MEIOSIN: variants seen among roughly 807,000 people sequenced by gnomAD.
MEIOSIN encodes meiosis initiator protein.
Under a neutral mutation model 23.4 loss-of-function variants are expected in MEIOSIN, and 18 were observed. The ratio of observed to expected loss-of-function variants is 0.77; its 90% CI spans 0.53 to 1.14. MEIOSIN has a LOEUF of 1.14. Ranked by LOEUF, MEIOSIN falls within the 50% of genes most tolerant of loss-of-function variation. The pLI is 0.00. For missense variants in MEIOSIN, 428 were observed against 242.9 expected (o/e 1.76, Z -5.07); for synonymous variants, 187 against 100.6 (o/e 1.86, Z -5.14).
chr19:45,735,459 C>T lies in MEIOSIN; in HGVS notation c.71+12C>T. The stretch of plus-strand genomic sequence containing the variant: ...GGTCCCAGTGACAGGTAAGGGCTTG[C>T]CCCATCTCCCTTATAGCCCCAGCCA... On this transcript the variant is annotated intron_variant, in intron 2 of 14. Coordinates refer to ENST00000457052, the MANE Select transcript of MEIOSIN (RefSeq NM_001310124.2). 2.9e-6 allele frequency: 2 copies of T among 700,914 alleles called. No individual in the cohort carries two copies. Among genetic ancestry groups the T allele is most frequent in the South Asian group, 3.0e-5 (2 of 67,264 alleles). 43.4% of individuals were successfully genotyped at this position (700,914 alleles called of 1,614,324 possible).
intron 3 of MEIOSIN, among the ~76,000 whole-genome samples, chr19:45,741,432 T>C (rs1250361834): frequency 6.6e-6 from 1 of 152,208 alleles, no homozygotes; most frequent in Admixed American, 6.5e-5. Flanking sequence ...GGGTGATATT[T>C]ATTTTTTGTT....
rs1464732412 is a variant in MEIOSIN at position 45,748,387 on chromosome 19, C to T, written c.307-2288C>T. Among the ~76,000 whole-genome samples, 13 of 152,080 alleles carry T rather than the reference C, an allele frequency of 8.5e-5. 1 individual carries two copies. The highest frequency in any genetic ancestry group is 8.5e-4 in the Admixed American group (13 of 15,254). On this transcript the variant is annotated intron_variant, in intron 4 of 14. Transcript: ENST00000457052. ...GAGCCACCGCGCCTGGCCATGAGAC[C>T]CCATCTTAAAAGAAATAGAGTCAGA...
chr19:45,760,788 C>T (rs1266329266), intron 11 of MEIOSIN, among the ~76,000 whole-genome samples: 1 of 151,040 alleles, frequency 6.6e-6, no homozygotes, highest in African/African-American at 2.4e-5. Flanking sequence ...ATTAGCTGGG[C>T]GTGGTGGTGG....
At chr19:45,737,932 A>C (rs1353327604) in intron 2 of MEIOSIN, among the ~76,000 whole-genome samples, 4 of 151,926 alleles carry the variant, frequency 2.6e-5, no homozygotes, top group East Asian at 3.9e-4. Flanking sequence ...AAAAAAAAAA[A>C]AAAATTGTGG....
intron 11 of MEIOSIN, among the ~76,000 whole-genome samples, chr19:45,760,463 G>A (rs1250921498): frequency 2.0e-5 from 3 of 151,894 alleles, no homozygotes; most frequent in South Asian, 2.1e-4. Context: ...AAAATTAGCC[G>A]GGTGTGGTGG....
rs1018784734 is a variant in MEIOSIN, at chr19:45,744,465, T to TTTTTG, written c.177-707_177-703dup. On this transcript the variant is annotated intron_variant, in intron 3 of 14. Coordinates refer to ENST00000457052, the MANE Select transcript of MEIOSIN (RefSeq NM_001310124.2). Reference sequence around the variant, plus strand: ...TTGATGCTCTGCTCTCAGCATCTTTTTTTTGTTTTGTTTTGTTTTGTTTTT... The same window carrying TTTTTG: ...TTGATGCTCTGCTCTCAGCATCTTTTTTTTGTTTTGTTTTGTTTTGTTTTGTTTTT... Among the ~76,000 whole-genome samples the TTTTTG allele has an allele frequency of 3.3e-4, 50 of 152,308 alleles. No homozygotes were observed. The East Asian group carries it at 9.1e-3, about 28-fold the overall frequency.
chr19:45,747,478 G>A (rs1005309546), intron 4 of MEIOSIN, among the ~76,000 whole-genome samples: 2 of 152,094 alleles, frequency 1.3e-5, no homozygotes, highest in African/African-American at 4.8e-5. Flanking sequence ...TTACTTCCTT[G>A]TTTCCGACCT....
chr19:45,761,775 A>T lies in MEIOSIN; in HGVS notation c.1342A>T (p.Asn448Tyr), dbSNP rs139931380. 1,692 of 700,122 alleles carry T rather than the reference A, an allele frequency of 2.4e-3. 1 individual carries two copies. The highest frequency in any genetic ancestry group is 3.8e-3 in the Non-Finnish European group (1,440 of 383,664). The allele number at this position is 700,122 out of a possible 1,614,324, so 43.4% of individuals were successfully genotyped here. Residue 448 changes from asparagine to tyrosine, a missense_variant, in exon 12 of 15, where the codon AAC (asparagine) becomes TAC (tyrosine). Transcript: ENST00000457052. The stretch of plus-strand genomic sequence containing the variant: ...CCACTGCTACCTCTCGCTGAGCGGG[A>T]ACAGCAAGGCGCCATCCAGCTCCAG... ...LDHCYLSLSG[N>Y]SKAPSSSSSS... is the part of the protein sequence containing the mutation.
chr19:45,752,001 G>A (rs1600384785), intron 5 of MEIOSIN, among the ~76,000 whole-genome samples: 3 of 146,698 alleles, frequency 2.0e-5, no homozygotes, highest in East Asian at 4.0e-4. Context: ...CCAAAGTGCT[G>A]GGATTACAGC....
intron 4 of MEIOSIN, among the ~76,000 whole-genome samples, chr19:45,750,360 CTTT>C (rs11295860): frequency 9.1e-5 from 9 of 98,518 alleles, no homozygotes; most frequent in African/African-American, 1.5e-4. Context: ...TTTTCTTTTT[CTTT>C]TTTTTTTTTT....
Position 45,759,029 on chromosome 19 carries a change from C to A in MEIOSIN, c.1164C>A (p.Thr388=). The change falls in exon 10 of 15, where the codon ACC becomes ACA. Residue 388 remains threonine (T), a synonymous_variant. Transcript: ENST00000457052. ...EILEDDMEYL[T]QAAFFEEVCL... Reference sequence around the variant, plus strand: ...TGGAGGATGACATGGAGTACCTGACCCAAGGTGAGGCCCAGGCCTGGCCCT... The same window carrying A: ...TGGAGGATGACATGGAGTACCTGACACAAGGTGAGGCCCAGGCCTGGCCCT... 1 of 703,062 alleles carries A rather than the reference C, an allele frequency of 1.4e-6. No homozygotes were observed. Among genetic ancestry groups the A allele is most frequent in the Non-Finnish European group, 2.6e-6 (1 of 385,012 alleles). 43.6% of individuals were successfully genotyped at this position (703,062 alleles called of 1,614,324 possible). A position where few individuals can be genotyped will look rare whatever the true frequency, so the allele number is the denominator to read the frequency against.
chr19:45,752,313 T>C (rs1968728424), intron 5 of MEIOSIN, among the ~76,000 whole-genome samples: 1 of 151,934 alleles, frequency 6.6e-6, no homozygotes, highest in South Asian at 2.1e-4. Context: ...CCTCCCAGGT[T>C]CAAGCCATTC....
intron 13 of MEIOSIN, among the ~76,000 whole-genome samples, chr19:45,762,561 G>A (rs1194347851): frequency 6.6e-6 from 1 of 152,106 alleles, no homozygotes; most frequent in African/African-American, 2.4e-5. Context: ...AGATTCTCCT[G>A]CCTCAGCCTC....
chr19:45,743,965 A>G (rs1968548705), intron 3 of MEIOSIN, among the ~76,000 whole-genome samples: 1 of 150,812 alleles, frequency 6.6e-6, no homozygotes, highest in Non-Finnish European at 1.5e-5. Context: ...TCAAAAGCAA[A>G]GCATGGCCTC....
At chr19:45,762,690 C>T (rs1968970468) in intron 13 of MEIOSIN, among the ~76,000 whole-genome samples, 1 of 152,218 alleles carries the variant, frequency 6.6e-6, no homozygotes, top group Non-Finnish European at 1.5e-5. Flanking sequence ...ATCTGCCTGC[C>T]TCGGCCTCTC....
intron 2 of MEIOSIN, among the ~76,000 whole-genome samples, chr19:45,736,584 G>C (rs1353936599): frequency 6.6e-6 from 1 of 151,506 alleles, no homozygotes; most frequent in Non-Finnish European, 1.5e-5. Flanking sequence ...GGCCAGGCTG[G>C]TCTTGGACTC....
chr19:45,738,187 GA>G (rs1045531836), intron 2 of MEIOSIN, among the ~76,000 whole-genome samples: 1 of 152,152 alleles, frequency 6.6e-6, no homozygotes, highest in Non-Finnish European at 1.5e-5. Context: ...TCTGGATAAA[GA>G]AAAAATAAGG....
At chr19:45,762,255 G>A (rs1301945772) in intron 13 of MEIOSIN, 72 bp downstream of exon 13, 3 of 403,606 alleles carry the variant, frequency 7.4e-6, no homozygotes, top group East Asian at 3.5e-5. Flanking sequence ...TGGCCATGCC[G>A]CTCCTCACAA....
In MEIOSIN at chr19:45,744,646, C is replaced by A. The variant is rs185890523; in HGVS notation, c.177-546C>A. Among the ~76,000 whole-genome samples, 671 of 151,794 alleles carry A rather than the reference C, an allele frequency of 4.4e-3. 10 individuals are homozygous for A. Among genetic ancestry groups the A allele is most frequent in the African/African-American group, 0.015 (611 of 41,370 alleles). ...ATTTTGAGACGGAGTCTTACTTTGT[C>A]TCCCAGGCTGGAGTGCAGTGATGCA... On this transcript the variant is annotated intron_variant, in intron 3 of 14. Coordinates refer to ENST00000457052, the MANE Select transcript of MEIOSIN (RefSeq NM_001310124.2).
Sources: gnomAD v4.1 joint callset for allele counts (sites outside exome capture counted in the v4.1 genomes callset) on GRCh38, gnomAD v4.1.1 for gene constraint, MANE v1.5 for transcripts, NCBI Gene and HGNC (gene_info 2026-07-23, HGNC 2026-07-21) for gene names.